Variants in KLHL32 observed in about 807,000 individuals in gnomAD.
KLHL32 encodes the protein kelch-like protein 32.
Under a neutral mutation model 64.8 loss-of-function variants are expected in KLHL32, and 35 were observed. That is an observed-to-expected ratio of 0.54 (90% CI 0.41 to 0.72). KLHL32 has a LOEUF of 0.72. Among genes scored for constraint, KLHL32 ranks in the 30% least tolerant of loss-of-function variants. KLHL32 has a pLI of 0.00. For synonymous variants in KLHL32, 259 were observed against 281.0 expected, an observed-to-expected ratio of 0.92 and a Z score of 0.78; for missense variants, 589 against 768.5, an observed-to-expected ratio of 0.77 and a Z score of 2.76.
intron 1 of KLHL32, among the ~76,000 whole-genome samples, chr6:96,956,911 T>C (rs190029049): frequency 1.3e-5 from 2 of 152,244 alleles, no homozygotes; most frequent in Non-Finnish European, 2.9e-5. Flanking sequence ...CACATTAAGG[T>C]ATATAGTGAT....
At chr6:96,907,577 T>C in the KLHL32 span, among the ~76,000 whole-genome samples, 2 of 152,204 alleles carry the variant, frequency 1.3e-5, no homozygotes, top group Non-Finnish European at 2.9e-5. Context: ...CTTGAAACTA[T>C]GTTTCACTCT....
intron 5 of KLHL32, among the ~76,000 whole-genome samples, chr6:97,065,537 T>G (rs1199651949): frequency 1.3e-5 from 2 of 152,208 alleles, no homozygotes; most frequent in African/African-American, 2.4e-5. Context: ...TGTTACTAAC[T>G]AATTTGCAAT....
chr6:97,075,652 A>G lies in KLHL32; in HGVS notation c.412-9474A>G, dbSNP rs139255637. Among the ~76,000 whole-genome samples, 1,257 of 152,266 alleles carry G rather than the reference A, an allele frequency of 8.3e-3. 9 individuals are homozygous for G. Among genetic ancestry groups the G allele is most frequent in the Middle Eastern group, 0.041 (12 of 294 alleles). ...TGTTCCAAAGGCCAGACCTTACCGC[A>G]CATCCACACCAGCCCCCTTTATGTT... On this transcript the variant is annotated intron_variant, in intron 5 of 10. Transcript: ENST00000369261.
chr6:96,901,234 A>G, the KLHL32 span, among the ~76,000 whole-genome samples: 2 of 152,208 alleles, frequency 1.3e-5, no homozygotes, highest in Admixed American at 6.5e-5. Context: ...AAACAAAACA[A>G]TTTATTATCT....
intron 3 of KLHL32, among the ~76,000 whole-genome samples, chr6:96,985,968 C>A (rs1257274403): frequency 6.6e-6 from 1 of 152,136 alleles, no homozygotes; most frequent in African/African-American, 2.4e-5. Context: ...GAGTTTCCAG[C>A]TTCTCTGCTC....
At chr6:97,055,806 A>AC (rs370629593) in intron 4 of KLHL32, among the ~76,000 whole-genome samples, 21,791 of 145,210 alleles carry the variant, frequency 0.15, 2,883 homozygotes, top group African/African-American at 0.21. Context: ...TAAAAAAAAA[A>AC]AAAAAAAAAA....
chr6:97,103,704 G>A (rs998130511), intron 6 of KLHL32, among the ~76,000 whole-genome samples: 6 of 152,172 alleles, frequency 3.9e-5, no homozygotes, highest in Non-Finnish European at 8.8e-5. Context: ...GGCCCCACGT[G>A]CATGTGCACT....
intron 3 of KLHL32, among the ~76,000 whole-genome samples, chr6:97,003,616 G>A (rs943809211): frequency 1.3e-5 from 2 of 152,034 alleles, no homozygotes; most frequent in African/African-American, 2.4e-5. Context: ...AGGATTTTTA[G>A]AGTTTTAGGT....
At chr6:96,929,365 G>A (rs1050187994) in intron 1 of KLHL32, among the ~76,000 whole-genome samples, 3 of 152,158 alleles carry the variant, frequency 2.0e-5, no homozygotes, top group Admixed American at 6.5e-5. Flanking sequence ...TTCTTAATAA[G>A]CAAGGGGCTT....
intron 5 of KLHL32, among the ~76,000 whole-genome samples, chr6:97,076,863 T>G (rs1207466848): frequency 1.3e-5 from 2 of 151,840 alleles, no homozygotes; most frequent in African/African-American, 4.8e-5. Context: ...ATTTAATAAA[T>G]TATTTACATT....
At chr6:97,039,822 A>AAAAAC (rs1554222748) in intron 3 of KLHL32, among the ~76,000 whole-genome samples, 12 of 149,426 alleles carry the variant, frequency 8.0e-5, no homozygotes, top group African/African-American at 3.0e-4. Flanking sequence ...TCCATCTCAA[A>AAAAAC]AAACAAACAA....
At chr6:97,135,299 ATTTT>A (rs747635380) in intron 10 of KLHL32, among the ~76,000 whole-genome samples, 5 of 109,572 alleles carry the variant, frequency 4.6e-5, no homozygotes, top group African/African-American at 7.7e-5. Context: ...AAATTTGTTA[ATTTT>A]TTTTTTTTTT....
At chr6:96,987,997 A>T (rs1463162400) in intron 3 of KLHL32, among the ~76,000 whole-genome samples, 1 of 152,220 alleles carries the variant, frequency 6.6e-6, no homozygotes, top group Non-Finnish European at 1.5e-5. Context: ...AACCATAAAA[A>T]CCCTAGAAGA....
chr6:96,985,007 G>A (rs1562215796), intron 3 of KLHL32, among the ~76,000 whole-genome samples: 1 of 103,062 alleles, frequency 9.7e-6, no homozygotes. Flanking sequence ...GCAGTGGCTG[G>A]TACCAATTGT....
chr6:96,915,639 TTC>T, the KLHL32 span, among the ~76,000 whole-genome samples: 1 of 115,552 alleles, frequency 8.7e-6, no homozygotes, highest in Non-Finnish European at 1.8e-5. Context: ...ATTGATAAGT[TTC>T]TATCCATGGA....
the KLHL32 span, among the ~76,000 whole-genome samples, chr6:96,916,306 A>C: frequency 1.3e-5 from 2 of 152,170 alleles, no homozygotes; most frequent in African/African-American, 4.8e-5. Flanking sequence ...TTAGGTTTTC[A>C]ATCTTGTCTA....
At chr6:97,100,966 C>CTGTTTTTTTT (rs1795639837) in intron 6 of KLHL32, among the ~76,000 whole-genome samples, 1 of 69,472 alleles carries the variant, frequency 1.4e-5, no homozygotes, top group African/African-American at 7.1e-5. Flanking sequence ...TGCAGCCAAG[C>CTGTTTTTTTT]TTTTTTTTTT....
At chr6:97,102,138 A>G (rs946063155) in intron 6 of KLHL32, among the ~76,000 whole-genome samples, 2 of 152,218 alleles carry the variant, frequency 1.3e-5, no homozygotes, top group Admixed American at 6.5e-5. Context: ...TCATAAATGC[A>G]CAAATATATT....
At chr6:96,970,154 C>T (rs1774953210) in intron 2 of KLHL32, among the ~76,000 whole-genome samples, 1 of 152,252 alleles carries the variant, frequency 6.6e-6, no homozygotes, top group East Asian at 1.9e-4. Context: ...GGCCCAACTC[C>T]ATCATTCAGC....
Sources: gnomAD v4.1 joint callset for allele counts (sites outside exome capture counted in the v4.1 genomes callset) on GRCh38, gnomAD v4.1.1 for gene constraint, MANE v1.5 for transcripts, NCBI Gene and HGNC (gene_info 2026-07-23, HGNC 2026-07-21) for gene names.